Variants in MCC observed in about 807,000 individuals in gnomAD.
MCC encodes colorectal mutant cancer protein.
Under a neutral mutation model 116.2 loss-of-function variants are expected in MCC, and 90 were observed. The observed-to-expected ratio is 0.77, with a 90% CI of 0.65 to 0.92. MCC has a LOEUF of 0.92. MCC is among the 40% of genes least tolerant of loss of function. The pLI, the probability that MCC is intolerant of heterozygous loss-of-function variation, is 0.00. For synonymous variants in MCC, 578 were observed against 510.5 expected (o/e 1.13, Z -1.78); for missense variants, 1,516 against 1,312.2 (o/e 1.16, Z -2.40).
intron 3 of MCC, among the ~76,000 whole-genome samples, chr5:113,187,360 C>G (rs926613833): frequency 6.6e-6 from 1 of 152,110 alleles, no homozygotes. Flanking sequence ...CCGCCTGCCT[C>G]GGCTTCCCAA....
chr5:113,169,951 G>C (rs2150302805), intron 3 of MCC, among the ~76,000 whole-genome samples: 1 of 152,264 alleles, frequency 6.6e-6, no homozygotes, highest in Non-Finnish European at 1.5e-5. Flanking sequence ...TTTATGCATT[G>C]CTCAACTTCA....
intron 14 of MCC, among the ~76,000 whole-genome samples, chr5:113,059,775 CA>C (rs1348587236): frequency 2.0e-5 from 3 of 152,200 alleles, no homozygotes; most frequent in Admixed American, 2.0e-4. Flanking sequence ...TCTTCCAGCA[CA>C]AAGCATACAC....
chr5:113,451,541 C>G (rs1388293417), intron 1 of MCC, among the ~76,000 whole-genome samples: 2 of 152,154 alleles, frequency 1.3e-5, no homozygotes, highest in Admixed American at 6.5e-5. Flanking sequence ...TCAAGACCAG[C>G]CTGACCAACA....
intron 2 of MCC, among the ~76,000 whole-genome samples, chr5:113,357,714 G>A (rs1275159658): frequency 1.3e-5 from 2 of 152,158 alleles, no homozygotes; most frequent in Admixed American, 6.5e-5. Flanking sequence ...ACTGGTAACG[G>A]AAGAACGCCT....
At chr5:113,119,348 G>T (rs1403729266) in intron 6 of MCC, among the ~76,000 whole-genome samples, 4 of 152,186 alleles carry the variant, frequency 2.6e-5, no homozygotes, top group Non-Finnish European at 5.9e-5. Flanking sequence ...TGAGAGTGAG[G>T]GATGAGGCAT....
At chr5:113,029,128 T>C in intron 17 of MCC, 72 bp from the exon 18 acceptor site, 2 of 1,474,398 alleles carry the variant, frequency 1.4e-6, no homozygotes, top group Non-Finnish European at 1.8e-6. Context: ...CCCTGGGAAG[T>C]GGTGACAGAA....
intron 1 of MCC, among the ~76,000 whole-genome samples, chr5:113,474,101 A>G (rs1306166047): frequency 6.6e-6 from 1 of 152,248 alleles, no homozygotes; most frequent in Non-Finnish European, 1.5e-5. Flanking sequence ...GCTAAATTGG[A>G]CAAAAAGTTG....
chr5:113,075,418 G>A (rs910506321), intron 11 of MCC, among the ~76,000 whole-genome samples: 1 of 152,224 alleles, frequency 6.6e-6, no homozygotes, highest in African/African-American at 2.4e-5. Flanking sequence ...GCTGAGGAGT[G>A]TGGGTGCATG....
At chr5:113,469,514 G>A (rs1772017175) in intron 1 of MCC, among the ~76,000 whole-genome samples, 1 of 152,196 alleles carries the variant, frequency 6.6e-6, no homozygotes, top group Non-Finnish European at 1.5e-5. Context: ...TCTCAATCCT[G>A]AGTTCTAGTT....
intron 3 of MCC, among the ~76,000 whole-genome samples, chr5:113,276,096 A>C (rs1048400552): frequency 5.9e-5 from 9 of 152,022 alleles, no homozygotes; most frequent in Non-Finnish European, 4.4e-5. Flanking sequence ...CTGGCCCCAA[A>C]GGGTAACCAG....
At chr5:113,219,901 A>C (rs1488619476) in intron 3 of MCC, among the ~76,000 whole-genome samples, 1 of 151,916 alleles carries the variant, frequency 6.6e-6, no homozygotes, top group Non-Finnish European at 1.5e-5. Context: ...AACTTGGTAC[A>C]AATAAATGTG....
At chr5:113,469,921 C>G (rs1282162784) in intron 1 of MCC, among the ~76,000 whole-genome samples, 2 of 152,154 alleles carry the variant, frequency 1.3e-5, no homozygotes, top group African/African-American at 4.8e-5. Context: ...GAATTGATCC[C>G]TTTACCATTA....
At chr5:113,155,093 G>C (rs1350031990) in intron 3 of MCC, among the ~76,000 whole-genome samples, 1 of 152,068 alleles carries the variant, frequency 6.6e-6, no homozygotes, top group African/African-American at 2.4e-5. Flanking sequence ...ATCTCTGTGA[G>C]ATCAACTTTT....
At chr5:113,409,009 G>A (rs999522179) in intron 1 of MCC, among the ~76,000 whole-genome samples, 1 of 152,158 alleles carries the variant, frequency 6.6e-6, no homozygotes, top group African/African-American at 2.4e-5. Flanking sequence ...TTAGGACGTG[G>A]ATCAATTTTA....
In MCC at chr5:113,132,433, T is replaced by TATATACACACATAC. The variant is rs1581127343; in HGVS notation, c.885-9608_885-9607insGTATGTGTGTATAT. Among the ~76,000 whole-genome samples the TATATACACACATAC allele has an allele frequency of 3.9e-3, 281 of 71,370 alleles. 4 individuals are homozygous for TATATACACACATAC. The highest frequency in any genetic ancestry group is 8.1e-3 in the African/African-American group (167 of 20,508). The allele number at this position is 71,370 out of a possible 152,430, so 46.8% of individuals were successfully genotyped here. On this transcript the variant is annotated intron_variant, in intron 5 of 18. Coordinates refer to ENST00000408903, the MANE Select transcript of MCC (RefSeq NM_001085377.2). The stretch of plus-strand genomic sequence containing the variant: ...ATATATATATACACACATACATATA[T>TATATACACACATAC]ATATATATATACACACACACACACA...
Position 113,488,335 on chromosome 5 carries a change from CTG to C in MCC, c.78_79del (p.Ser26ArgfsTer33). On this transcript the variant is annotated frameshift_variant, in exon 1 of 19. Coordinates refer to ENST00000408903, the MANE Select transcript of MCC (RefSeq NM_001085377.2). LOFTEE classifies it high-confidence loss of function. ...GCCGGTGCTGGACGTGTCGCTGCTG[CTG>C]CTGCTGCTGCCGCTGCCGCCGCCGC... 2.7e-6 allele frequency: 4 copies of C among 1,484,966 alleles called. No individual in the cohort carries two copies. Among genetic ancestry groups the C allele is most frequent in the African/African-American group, 1.7e-5 (1 of 59,320 alleles). 92.0% of individuals were successfully genotyped at this position (1,484,966 alleles called of 1,614,324 possible).
rs1243551908 is a variant in MCC at position 113,467,362 on chromosome 5, T to A, written c.170+20883A>T. 5.3e-5 allele frequency among the ~76,000 whole-genome samples: 8 copies of A among 151,730 alleles called. No homozygotes were observed. In the East Asian group the frequency reaches 1.2e-3, roughly 22 times the overall value. On this transcript the variant is annotated intron_variant, in intron 1 of 18. Transcript: ENST00000408903. ...AATCCATCCTGAATTAATTTTTGTA[T>A]AAGGTGTAAGGAAGGGATCCAGTTT...
chr5:113,163,453 T>TC (rs1760608391), intron 3 of MCC, among the ~76,000 whole-genome samples: 1 of 152,106 alleles, frequency 6.6e-6, no homozygotes, highest in African/African-American at 2.4e-5. Flanking sequence ...TTTCCAATTG[T>TC]CCCCCACAGA....
intron 6 of MCC, among the ~76,000 whole-genome samples, chr5:113,110,184 A>G (rs1757006566): frequency 6.6e-6 from 1 of 152,178 alleles, no homozygotes; most frequent in African/African-American, 2.4e-5. Context: ...TAGCAAATAC[A>G]CATTCCTTTA....
Sources: gnomAD v4.1 joint callset for allele counts (sites outside exome capture counted in the v4.1 genomes callset) on GRCh38, gnomAD v4.1.1 for gene constraint, MANE v1.5 for transcripts, NCBI Gene and HGNC (gene_info 2026-07-23, HGNC 2026-07-21) for gene names.